Variants in SLC16A9 observed in about 807,000 individuals in gnomAD.
The protein encoded by SLC16A9 is solute carrier family 16 member 9.
Under a neutral mutation model 44.3 loss-of-function variants are expected in SLC16A9, and 26 were observed. That is an observed-to-expected ratio of 0.59 (90% CI 0.43 to 0.81). The LOEUF (loss-of-function observed/expected upper bound fraction) is 0.81, where lower values mean the gene tolerates loss of function less well. SLC16A9 is among the 40% of genes least tolerant of loss of function. The probability of loss-of-function intolerance (pLI) is 0.00; values close to 1 mark genes in which losing one functional copy is unlikely to be tolerated. For missense variants in SLC16A9, 559 were observed against 595.8 expected, an observed-to-expected ratio of 0.94 and a Z score of 0.64; for synonymous variants, 230 against 225.1, an observed-to-expected ratio of 1.02 and a Z score of -0.19.
intron 1 of SLC16A9, among the ~76,000 whole-genome samples, chr10:59,704,833 G>A (rs918036320): frequency 6.6e-6 from 1 of 152,186 alleles, no homozygotes; most frequent in Non-Finnish European, 1.5e-5. Flanking sequence ...CAAACGTTTT[G>A]CACAATTTAT....
rs1840005676 is a variant in SLC16A9 at position 59,681,649 on chromosome 10, ATG to A, written c.196+2445_196+2446del. Among the ~76,000 whole-genome samples the A allele has an allele frequency of 1.9e-4, 3 of 15,878 alleles. 1 individual carries two copies. Among genetic ancestry groups the A allele is most frequent in the Admixed American group, 2.7e-3 (2 of 742 alleles). 10.4% of individuals were successfully genotyped at this position (15,878 alleles called of 152,430 possible). ...GATGTATATGTATATGTGTATGTGT[ATG>A]TATATGTATATGATGTATATGTATA... On this transcript the variant is annotated intron_variant, in intron 2 of 5. Coordinates refer to ENST00000395348, the MANE Select transcript of SLC16A9 (RefSeq NM_194298.3).
At chr10:59,690,439 T>C (rs1276726232) in intron 1 of SLC16A9, among the ~76,000 whole-genome samples, 1 of 152,142 alleles carries the variant, frequency 6.6e-6, no homozygotes, top group Admixed American at 6.5e-5. Flanking sequence ...ATTAAATGTT[T>C]AGGAGTCGAA....
intron 1 of SLC16A9, among the ~76,000 whole-genome samples, chr10:59,694,825 C>T (rs372586909): frequency 7.2e-4 from 41 of 56,616 alleles, no homozygotes; most frequent in Non-Finnish European, 1.2e-3. Flanking sequence ...TATACACACA[C>T]ACACACACAT....
At chr10:59,653,262 C>A (rs559071574) in intron 5 of SLC16A9, among the ~76,000 whole-genome samples, 2,755 of 146,648 alleles carry the variant, frequency 0.019, 110 homozygotes, top group African/African-American at 0.067. Flanking sequence ...TACTAAACAA[C>A]AACAACAAAA....
Position 59,679,761 on chromosome 10 carries a change from C to T in SLC16A9, c.196+4335G>A, listed in dbSNP as rs1427699548. ...GTCACACCTCCCAACACAATCCCTC[C>T]TTTCCAGCCAAATTTACTCCATGAG... is the stretch of plus-strand genomic sequence containing the variant. On this transcript the variant is annotated intron_variant, in intron 2 of 5. Transcript: ENST00000395348. 7.9e-5 allele frequency among the ~76,000 whole-genome samples: 12 copies of T among 152,322 alleles called. No homozygotes were observed. In the South Asian group the frequency reaches 1.0e-3, roughly 13 times the overall value.
intron 1 of SLC16A9, among the ~76,000 whole-genome samples, chr10:59,703,947 A>C (rs1259544649): frequency 2.0e-5 from 3 of 151,718 alleles, no homozygotes; most frequent in Admixed American, 6.6e-5. Flanking sequence ...TGGTCTCAAT[A>C]TCCTGACCTC....
At chr10:59,687,759 G>C (rs117716850) in intron 1 of SLC16A9, among the ~76,000 whole-genome samples, 1 of 151,996 alleles carries the variant, frequency 6.6e-6, no homozygotes, top group Admixed American at 6.6e-5. Context: ...CCAGGAGTTC[G>C]AGGCCAGCCT....
At chr10:59,657,960 T>C (rs1839386441) in intron 4 of SLC16A9, among the ~76,000 whole-genome samples, 1 of 152,140 alleles carries the variant, frequency 6.6e-6, no homozygotes. Context: ...CTCCCCTCTT[T>C]GGAATTCAAA....
At chr10:59,703,920 C>T (rs1385757785) in intron 1 of SLC16A9, among the ~76,000 whole-genome samples, 1 of 152,010 alleles carries the variant, frequency 6.6e-6, no homozygotes, top group African/African-American at 2.4e-5. Context: ...GACGGGGTTT[C>T]GCCCTGTTAG....
chr10:59,703,844 A>C (rs1394155980), intron 1 of SLC16A9, among the ~76,000 whole-genome samples: 4 of 151,204 alleles, frequency 2.6e-5, no homozygotes, highest in South Asian at 2.1e-4. Flanking sequence ...TCAGCCTCCC[A>C]GGTAGCTGGG....
chr10:59,676,904 T>A (rs1174497397), intron 2 of SLC16A9, among the ~76,000 whole-genome samples: 1 of 130,302 alleles, frequency 7.7e-6, no homozygotes, highest in Non-Finnish European at 1.6e-5. Context: ...GCCTGGGCAA[T>A]GAGCAAAACT....
Position 59,654,075 on chromosome 10 carries a change from G to A in SLC16A9, c.951C>T (p.Asp317=), listed in dbSNP as rs766028667. 6 of 1,614,094 alleles carry A rather than the reference G, an allele frequency of 3.7e-6. No individual in the cohort carries two copies. In the East Asian group the frequency reaches 8.9e-5, roughly 24 times the overall value. Residue 317 remains aspartate (D), a synonymous_variant, in exon 5 of 6, where the codon GAC becomes GAT. Coordinates refer to ENST00000395348, the MANE Select transcript of SLC16A9 (RefSeq NM_194298.3). ...GTAATGAAGGTGGAAACCCTCCGAT[G>A]TCAAAGAGTAAGATAGCAATGAAAA... ...SALFIAILLF[D]IGGFPPSLLM... is the part of the protein sequence containing the mutation.
chr10:59,678,800 C>T (rs1367425803), intron 2 of SLC16A9, among the ~76,000 whole-genome samples: 1 of 151,358 alleles, frequency 6.6e-6, no homozygotes, highest in Non-Finnish European at 1.5e-5. Flanking sequence ...GCCTCGGCCT[C>T]CCAAAGTGCT....
chr10:59,664,908 G>T (rs11006670), intron 3 of SLC16A9, among the ~76,000 whole-genome samples: 26,004 of 152,120 alleles, frequency 0.17, 2,834 homozygotes, highest in Non-Finnish European at 0.24. Flanking sequence ...GAAGTAAAAT[G>T]TAGTAATGTC....
At chr10:59,703,657 G>A (rs924772334) in intron 1 of SLC16A9, among the ~76,000 whole-genome samples, 1 of 151,930 alleles carries the variant, frequency 6.6e-6, no homozygotes, top group Non-Finnish European at 1.5e-5. Flanking sequence ...AATGTGTTTC[G>A]TTTGGCGGAC....
At chr10:59,693,859 C>T (rs1421051666) in intron 1 of SLC16A9, among the ~76,000 whole-genome samples, 3 of 151,524 alleles carry the variant, frequency 2.0e-5, no homozygotes, top group East Asian at 1.9e-4. Flanking sequence ...CCTCGTGATC[C>T]GCCTGCCTCT....
In SLC16A9 at chr10:59,696,740, T is replaced by C. The variant is rs1371462497; in HGVS notation, c.-36-12413A>G. On this transcript the variant is annotated intron_variant, in intron 1 of 5. Transcript: ENST00000395348. ...CGCCCCGTCTGGGATGTGAGGAGTG[T>C]CTCTGCCCGGCCGCCCCGTCTGAGA... 7.4e-5 allele frequency among the ~76,000 whole-genome samples: 11 copies of C among 148,524 alleles called. 1 individual carries two copies. The East Asian group carries it at 2.0e-3, about 27-fold the overall frequency.
chr10:59,680,922 G>T (rs1454038718), intron 2 of SLC16A9, among the ~76,000 whole-genome samples: 1 of 151,970 alleles, frequency 6.6e-6, no homozygotes, highest in African/African-American at 2.4e-5. Context: ...GGTCGAGGTT[G>T]CAGTGAGCCA....
rs759214728 is a variant in SLC16A9, at chr10:59,654,474, A to G, written c.552T>C (p.Cys184=). Residue 184 remains cysteine, a synonymous_variant, in exon 5 of 6, where the codon TGT becomes TGC. Transcript: ENST00000395348. ...VGALALNILA[C]GSLMRPLQSS... is the part of the protein sequence containing the mutation. The stretch of plus-strand genomic sequence containing the variant: ...ATTGGAGGGGTCTCATCAGACTGCC[A>G]CAGGCTAATATATTTAAAGCTAAAG... 1 of 1,612,900 alleles carries G rather than the reference A, an allele frequency of 6.2e-7. No individual in the cohort carries two copies. The highest frequency in any genetic ancestry group is 8.5e-7 in the Non-Finnish European group (1 of 1,180,038).
Sources: gnomAD v4.1 joint callset for allele counts (sites outside exome capture counted in the v4.1 genomes callset) on GRCh38, gnomAD v4.1.1 for gene constraint, MANE v1.5 for transcripts, NCBI Gene and HGNC (gene_info 2026-07-23, HGNC 2026-07-21) for gene names.